Variants in TTLL6 observed in about 807,000 individuals in gnomAD.
TTLL6 encodes the protein tubulin tyrosine ligase like 6.
A neutral mutation model predicts 96.4 loss-of-function variants in TTLL6; 75 were observed. That is an observed-to-expected ratio of 0.78 (90% CI 0.65 to 0.94). TTLL6 has a LOEUF of 0.94. Ranked by LOEUF, TTLL6 falls within the 40% of genes least tolerant of loss-of-function variation. The pLI is 0.00. For missense variants in TTLL6, 1,030 were observed against 1,093.0 expected, an observed-to-expected ratio of 0.94 and a Z score of 0.81; for synonymous variants, 411 against 419.4, an observed-to-expected ratio of 0.98 and a Z score of 0.24.
intron 8 of TTLL6, among the ~76,000 whole-genome samples, chr17:48,793,946 T>C (rs1488719409): frequency 6.6e-6 from 1 of 151,716 alleles, no homozygotes; most frequent in African/African-American, 2.4e-5. Context: ...AGTGCTGCGG[T>C]GGAGGCAAGG....
chr17:48,814,176 GGGCATGGT>G (rs1226433156), intron 1 of TTLL6, among the ~76,000 whole-genome samples: 1 of 151,794 alleles, frequency 6.6e-6, no homozygotes, highest in Non-Finnish European at 1.5e-5. Context: ...AAAATTAGCT[GGGCATGGT>G]GGCAGGCGCC....
At chr17:48,810,243 T>G (rs1445647934) in intron 1 of TTLL6, among the ~76,000 whole-genome samples, 3 of 151,994 alleles carry the variant, frequency 2.0e-5, no homozygotes, top group Admixed American at 1.3e-4. Flanking sequence ...ATTGAGCCCA[T>G]GCACTTTTAG....
At chr17:48,791,340 C>A (rs767108305) in intron 9 of TTLL6, 38 bp downstream of exon 9, 3 of 1,575,032 alleles carry the variant, frequency 1.9e-6, no homozygotes, top group Non-Finnish European at 2.6e-6. Flanking sequence ...GCCCCAATAA[C>A]AGGAGTTCGT....
chr17:48,803,413 TTAA>T (rs965113567), intron 3 of TTLL6, among the ~76,000 whole-genome samples: 1 of 151,488 alleles, frequency 6.6e-6, no homozygotes, highest in Non-Finnish European at 1.5e-5. Flanking sequence ...GGAGAATCAC[TTAA>T]ACCTAGGAGG....
chr17:48,770,167 T>A (rs1244983928), intron 13 of TTLL6, 70 bp from the exon 14 acceptor site: 26 of 1,501,490 alleles, frequency 1.7e-5, no homozygotes, highest in South Asian at 2.8e-5. Context: ...ATTTTTTTTT[T>A]ATTTTTATTT....
intron 1 of TTLL6, among the ~76,000 whole-genome samples, chr17:48,805,827 A>AG (rs58988191): frequency 0.028 from 4,253 of 151,922 alleles, 212 homozygotes; most frequent in African/African-American, 0.097. Flanking sequence ...ACAAAAAAAA[A>AG]GGCTAGGCGC....
chr17:48,767,526 G>A (rs1019026170), intron 15 of TTLL6, among the ~76,000 whole-genome samples: 2 of 152,158 alleles, frequency 1.3e-5, no homozygotes, highest in Admixed American at 1.3e-4. Context: ...GATCTCTATG[G>A]GCTGGATGTT....
chr17:48,804,437 T>C (rs1444120604), intron 2 of TTLL6: 2 of 505,726 alleles, frequency 4.0e-6, no homozygotes, highest in African/African-American at 1.9e-5. Context: ...GGTGCTATCA[T>C]ACTGAAGGCG....
chr17:48,794,836 G>A (rs560268227), intron 8 of TTLL6, among the ~76,000 whole-genome samples: 62 of 152,298 alleles, frequency 4.1e-4, no homozygotes, highest in Non-Finnish European at 7.8e-4. Context: ...TGGTGCAGCG[G>A]AAAGAGAATG....
chr17:48,776,207 C>T (rs2038866926), intron 13 of TTLL6, among the ~76,000 whole-genome samples: 1 of 152,164 alleles, frequency 6.6e-6, no homozygotes, highest in South Asian at 2.1e-4. Flanking sequence ...TAGCTCATGC[C>T]TGTAATACTA....
intron 13 of TTLL6, among the ~76,000 whole-genome samples, chr17:48,771,881 C>T (rs1485855788): frequency 3.3e-5 from 5 of 151,744 alleles, no homozygotes; most frequent in Admixed American, 2.0e-4. Context: ...TTGAGACCAG[C>T]CTAGCCCACA....
Position 48,770,049 on chromosome 17 carries a change from T to C in TTLL6, c.2089A>G (p.Ile697Val), listed in dbSNP as rs914616018. 8 of 1,613,660 alleles carry C rather than the reference T, an allele frequency of 5.0e-6. No individual in the cohort carries two copies. The highest frequency in any genetic ancestry group is 4.0e-5 in the African/African-American group (3 of 74,854). The change falls in exon 14 of 16, where the codon ATC becomes GTC. Residue 697 changes from isoleucine to valine, a missense_variant. Ile to Val is a conservative substitution (Grantham distance 29, BLOSUM62 3). Coordinates refer to ENST00000393382, the MANE Select transcript of TTLL6 (RefSeq NM_001130918.3). The part of the protein sequence containing the change: ...TTPESTTQLS[I>V]SPKSPPTLAV... ...AGGGTTGGCGGAGACTTTGGGGAGA[T>C]TGAGAGTTGGGTGGTGGATTCTGGG... is the stretch of plus-strand genomic sequence containing the variant.
intron 13 of TTLL6, among the ~76,000 whole-genome samples, chr17:48,776,330 G>A (rs976569238): frequency 6.6e-6 from 1 of 152,104 alleles, no homozygotes; most frequent in Non-Finnish European, 1.5e-5. Flanking sequence ...TTAGCCAGGT[G>A]TGCGCCTGTA....
intron 13 of TTLL6, among the ~76,000 whole-genome samples, chr17:48,781,762 C>T (rs183373534): frequency 5.9e-5 from 9 of 152,192 alleles, no homozygotes; most frequent in East Asian, 3.9e-4. Flanking sequence ...CCCAAGGTGA[C>T]GGTAATAAGA....
chr17:48,810,825 G>GTGTGTA lies in TTLL6; in HGVS notation c.104-5835_104-5834insTACACA, dbSNP rs368085735. 4.0e-4 allele frequency among the ~76,000 whole-genome samples: 34 copies of GTGTGTA among 84,336 alleles called. 4 individuals carry two copies. The highest frequency in any genetic ancestry group is 8.1e-4 in the South Asian group (2 of 2,468). The allele number at this position is 84,336 out of a possible 152,430, so 55.3% of individuals were successfully genotyped here. On this transcript the variant is annotated intron_variant, in intron 1 of 15. Coordinates refer to ENST00000393382, the MANE Select transcript of TTLL6 (RefSeq NM_001130918.3). ...ATATACACATATATAGTATGTGTGT[G>GTGTGTA]TATATATATATATATATATATATAT...
Position 48,786,253 on chromosome 17 carries a change from C to A in TTLL6, c.1672G>T (p.Ala558Ser), listed in dbSNP as rs1272263146. Reference sequence around the variant, plus strand: ...CCCTTCTTTCTCACTTGCTCGCCTGCCGATTCCCCCTGCATCTCTACCTTC... The same window carrying A: ...CCCTTCTTTCTCACTTGCTCGCCTGACGATTCCCCCTGCATCTCTACCTTC... ...KKKVEMQGES[A>S]GEQVRKKGMR... Residue 558 changes from alanine (A) to serine (S), a missense_variant, in exon 12 of 16, where the codon GCA becomes TCA. Ala to Ser is a moderately conservative substitution (Grantham distance 99). Coordinates refer to ENST00000393382, the MANE Select transcript of TTLL6 (RefSeq NM_001130918.3). The A allele has an allele frequency of 6.2e-7, 1 of 1,614,234 alleles. No homozygotes were observed. Among genetic ancestry groups the A allele is most frequent in the African/African-American group, 1.3e-5 (1 of 75,054 alleles).
chr17:48,770,166 T>C, intron 13 of TTLL6, 69 bp from the exon 14 acceptor site: 1 of 1,502,542 alleles, frequency 6.7e-7, no homozygotes, highest in South Asian at 1.4e-5. Context: ...TATTTTTTTT[T>C]TATTTTTATT....
chr17:48,776,503 A>C (rs2038875586), intron 13 of TTLL6, among the ~76,000 whole-genome samples: 1 of 152,198 alleles, frequency 6.6e-6, no homozygotes. Flanking sequence ...AGTATACATT[A>C]ATCATTATTT....
intron 1 of TTLL6, among the ~76,000 whole-genome samples, chr17:48,816,190 T>A (rs1194941867): frequency 1.3e-5 from 2 of 152,092 alleles, no homozygotes; most frequent in Non-Finnish European, 2.9e-5. Flanking sequence ...TGCCTGTAAT[T>A]CCAGCACTTT....
Sources: gnomAD v4.1 joint callset for allele counts (sites outside exome capture counted in the v4.1 genomes callset) on GRCh38, gnomAD v4.1.1 for gene constraint, MANE v1.5 for transcripts, NCBI Gene and HGNC (gene_info 2026-07-23, HGNC 2026-07-21) for gene names.